BAZ2A: variants seen among roughly 807,000 people sequenced by gnomAD.
BAZ2A encodes bromodomain adjacent to zinc finger domain protein 2A.
Under a neutral mutation model 199.9 loss-of-function variants are expected in BAZ2A, and 34 were observed. That is an observed-to-expected ratio of 0.17 (90% CI 0.13 to 0.23). The LOEUF (loss-of-function observed/expected upper bound fraction) is 0.23. BAZ2A is among the 10% of genes least tolerant of loss of function. The probability of loss-of-function intolerance (pLI) is 1.00; values close to 1 mark genes in which losing one functional copy is unlikely to be tolerated. For synonymous variants in BAZ2A, 857 were observed against 883.9 expected, an observed-to-expected ratio of 0.97 and a Z score of 0.54; for missense variants, 2,002 against 2,391.1, an observed-to-expected ratio of 0.84 and a Z score of 3.39.
At chr12:56,624,436 A>G (rs984406322) in intron 1 of BAZ2A, among the ~76,000 whole-genome samples, 2 of 152,334 alleles carry the variant, frequency 1.3e-5, no homozygotes, top group South Asian at 4.1e-4. Context: ...TCAGTTGGAT[A>G]TAAGTTCCAC....
At chr12:56,600,141 T>TA in intron 24 of BAZ2A, 45 bp from the exon 25 acceptor site, 1 of 1,612,468 alleles carries the variant, frequency 6.2e-7, no homozygotes, top group Non-Finnish European at 8.5e-7. Context: ...GCGGATCCAC[T>TA]AAAGAGGGAA....
At chr12:56,615,680 A>T (rs1053454632) in intron 2 of BAZ2A, 73 bp from the exon 3 acceptor site, 1 of 1,142,956 alleles carries the variant, frequency 8.7e-7, no homozygotes, top group East Asian at 2.6e-5. Context: ...AACTCAAAGT[A>T]ATAGCACTGA....
chr12:56,615,475 A>G lies in BAZ2A; in HGVS notation c.269T>C (p.Leu90Pro), dbSNP rs761899822. 2 of 1,613,216 alleles carry G rather than the reference A, an allele frequency of 1.2e-6. No individual in the cohort carries two copies. Among genetic ancestry groups the G allele is most frequent in the South Asian group, 2.2e-5 (2 of 91,054 alleles). ...AGATGGGTACTGTGAGTAGTTCCAG[A>G]GACAGTCGTAGGCCACGCTGGGGTG... ...LHHPSVAYDC[L>P]WNYSQYPSAN... The change falls in exon 3 of 29, where the codon CTC becomes CCC. Residue 90 changes from leucine (L) to proline (P), a missense_variant. This residue lies in a region of BAZ2A where 641 missense variants were observed against 694.5 expected (regional missense o/e 0.92). Coordinates refer to ENST00000549884, the MANE Select transcript of BAZ2A (RefSeq NM_001300905.2).
rs756764716 is a variant in BAZ2A at position 56,613,137 on chromosome 12, A to C, written c.1013T>G (p.Leu338Arg). ...PLEDSPVISALDCPSLNNATA... is the reference protein window; with the variant it reads ...PLEDSPVISARDCPSLNNATA... Reference sequence around the variant, plus strand: ...AGCATTATTGAGGGAAGGGCAATCAAGGGCAGAAATCACAGGGCTGTCCTC... The same window carrying C: ...AGCATTATTGAGGGAAGGGCAATCACGGGCAGAAATCACAGGGCTGTCCTC... The change falls in exon 5 of 29, where the codon CTT (leucine) becomes CGT (arginine). Residue 338 changes from leucine to arginine, a missense_variant. By Grantham distance (102) the Leu-to-Arg change is moderately radical. Coordinates refer to ENST00000549884, the MANE Select transcript of BAZ2A (RefSeq NM_001300905.2). 5.0e-6 allele frequency: 8 copies of C among 1,613,918 alleles called. No individual in the cohort carries two copies. In the African/African-American group the frequency reaches 9.3e-5, roughly 19 times the overall value.
In BAZ2A at chr12:56,599,174, C is replaced by T. The variant is rs757239924; in HGVS notation, c.5357G>A (p.Arg1786Gln). Residue 1786 changes from arginine to glutamine, a missense_variant, in exon 27 of 29, where the codon CGG (arginine) becomes CAG (glutamine). Around this residue, in one of 6 missense-constraint regions of BAZ2A, gnomAD observed 122 missense variants for 123.0 expected, o/e 0.99. Transcript: ENST00000549884. Reference protein sequence around the residue: ...SEEGLSPSKRRRLSMRNHHSD... With the variant: ...SEEGLSPSKRQRLSMRNHHSD... ...GTGGTGGTTCCGCATAGAGAGTCGC[C>T]GCCGCTTGGAGGGGGAGAGCCCTTC... The T allele has an allele frequency of 2.8e-4, 455 of 1,612,926 alleles. No homozygotes were observed. The highest frequency in any genetic ancestry group is 6.2e-4 in the Admixed American group (37 of 59,916).
Position 56,606,312 on chromosome 12 carries a change from C to T in BAZ2A, c.2194G>A (p.Ala732Thr), listed in dbSNP as rs1304615316. The change falls in exon 12 of 29, where the codon GCC (alanine) becomes ACC (threonine). Residue 732 changes from alanine to threonine, a missense_variant and splice_region_variant. Physicochemically the swap from Ala to Thr is moderately conservative, Grantham distance 58 (BLOSUM62 0). Coordinates refer to ENST00000549884, the MANE Select transcript of BAZ2A (RefSeq NM_001300905.2). ...GECQTTIQGQ[A>T]RNKRKQETKS... ...GTCTCTTGTTTCCGCTTATTTCTGG[C>T]CTGTAAACCATAAGGGAAGTCATTT... is the stretch of plus-strand genomic sequence containing the variant. The T allele has an allele frequency of 6.2e-7, 1 of 1,613,932 alleles. No individual in the cohort carries two copies.
upstream of BAZ2A, among the ~76,000 whole-genome samples, chr12:56,633,455 T>C (rs1363814488): frequency 6.6e-6 from 1 of 152,122 alleles, no homozygotes; most frequent in African/African-American, 2.4e-5. Flanking sequence ...TGAAAGAGCA[T>C]AGCTAGGGGC....
upstream of BAZ2A, among the ~76,000 whole-genome samples, chr12:56,637,558 C>T (rs1161479547): frequency 6.6e-6 from 1 of 152,160 alleles, no homozygotes; most frequent in Non-Finnish European, 1.5e-5. Flanking sequence ...TTTCTGAAGA[C>T]ATGAAGGCCT....
At position 56,615,399 on chromosome 12, in the gene BAZ2A, C is replaced by A. The variant is rs188870377; in HGVS notation, c.345G>T (p.Ser115=). Residue 115 remains serine, a synonymous_variant, in exon 3 of 29, where the codon TCG becomes TCT. Transcript: ENST00000549884. ...LKDPPLLSQF[S]GGQYPLNGIL... is the part of the protein sequence containing the mutation. ...TGCCGTTGAGTGGGTATTGTCCCCCCGAGAACTGGGAGAGAAGGGGTGGGT... is the reference window on the plus strand; with the variant it reads ...TGCCGTTGAGTGGGTATTGTCCCCCAGAGAACTGGGAGAGAAGGGGTGGGT... 62 of 1,613,330 alleles carry A rather than the reference C, an allele frequency of 3.8e-5. No individual in the cohort carries two copies. The East Asian group carries it at 1.4e-3, about 35-fold the overall frequency.
rs930682463 is a variant in BAZ2A, at chr12:56,596,136, T to G, written c.*2482A>C. 1 of 152,712 alleles carries G rather than the reference T, an allele frequency of 6.5e-6. No individual in the cohort carries two copies. The highest frequency in any genetic ancestry group is 2.4e-5 in the African/African-American group (1 of 41,470). 9.5% of individuals were successfully genotyped at this position (152,712 alleles called of 1,614,324 possible). A position where few individuals can be genotyped will look rare whatever the true frequency, so the allele number is the denominator to read the frequency against. Reference sequence around the variant, plus strand: ...AAACTGTACATTATCAAAAAGTCACTAAAACACCACATTTGGTTATATAAA... The same window carrying G: ...AAACTGTACATTATCAAAAAGTCACGAAAACACCACATTTGGTTATATAAA... On this transcript the variant is annotated 3_prime_UTR_variant, in exon 29 of 29. Transcript: ENST00000549884.
In BAZ2A at chr12:56,601,010, C is replaced by T. The variant is rs1886415233; in HGVS notation, c.4383G>A (p.Lys1461=). Residue 1461 remains lysine, a synonymous_variant, in exon 22 of 29, where the codon AAG becomes AAA. Transcript: ENST00000549884. ...GCTTGTTAAGGTGTTTGTGAAGTGCCTTCTCCCGGATACCTCGGGGGTGTA... is the reference window on the plus strand; with the variant it reads ...GCTTGTTAAGGTGTTTGTGAAGTGCTTTCTCCCGGATACCTCGGGGGTGTA... ...KALHPRGIRE[K]ALHKHLNKHR... is the part of the protein sequence containing the mutation. 1.2e-6 allele frequency: 2 copies of T among 1,611,268 alleles called. No individual in the cohort carries two copies. Among genetic ancestry groups the T allele is most frequent in the African/African-American group, 1.3e-5 (1 of 74,826 alleles).
intron 26 of BAZ2A, 85 bp downstream of exon 26, chr12:56,599,617 C>A: frequency 6.3e-7 from 1 of 1,590,188 alleles, no homozygotes; most frequent in Non-Finnish European, 8.6e-7. Flanking sequence ...AATACCCAGT[C>A]TAGGACTCTT....
rs747567691 is a variant in BAZ2A, at chr12:56,615,394, C to T, written c.350G>A (p.Gly117Glu). 4 of 1,612,836 alleles carry T rather than the reference C, an allele frequency of 2.5e-6. No homozygotes were observed. Among genetic ancestry groups the T allele is most frequent in the African/African-American group, 1.3e-5 (1 of 74,716 alleles). Reference sequence around the variant, plus strand: ...AAGGATGCCGTTGAGTGGGTATTGTCCCCCCGAGAACTGGGAGAGAAGGGG... The same window carrying T: ...AAGGATGCCGTTGAGTGGGTATTGTTCCCCCGAGAACTGGGAGAGAAGGGG... ...DPPLLSQFSG[G>E]QYPLNGILGG... The change falls in exon 3 of 29, where the codon GGA becomes GAA. Residue 117 changes from glycine (G) to glutamate (E), a missense_variant. Physicochemically the swap from Gly to Glu is moderately conservative, Grantham distance 98. Around this residue, in one of 6 missense-constraint regions of BAZ2A, gnomAD observed 641 missense variants for 694.5 expected, o/e 0.92. Transcript: ENST00000549884.
chr12:56,610,645 C>A lies in BAZ2A; in HGVS notation c.1671-128G>T, dbSNP rs2136987321. 5.2e-6 allele frequency: 4 copies of A among 762,212 alleles called. No homozygotes were observed. The East Asian group carries it at 8.1e-5, about 15-fold the overall frequency. 47.2% of individuals were successfully genotyped at this position (762,212 alleles called of 1,614,324 possible). On this transcript the variant is annotated intron_variant, in intron 7 of 28. Transcript: ENST00000549884. ...GTATCTCTAGAACTGCATGCAGATG[C>A]AAAAGCACCAAGAGAGATAAGCTTG...
chr12:56,601,385 A>C lies in BAZ2A; in HGVS notation c.4089T>G (p.Ala1363=), dbSNP rs1197267806. 1 of 1,613,700 alleles carries C rather than the reference A, an allele frequency of 6.2e-7. No homozygotes were observed. Among genetic ancestry groups the C allele is most frequent in the South Asian group, 1.1e-5 (1 of 91,064 alleles). The change falls in exon 21 of 29, where the codon GCT becomes GCG. Residue 1363 remains alanine (A), a synonymous_variant. Transcript: ENST00000549884. The part of the protein sequence containing the change: ...ASSKPMNRPS[A]ANPCSPVQFS... ...ACTGCACTGGAGAACAAGGGTTGGCAGCACTAGGTCTATTCATCTGTGAAT... is the reference window on the plus strand; with the variant it reads ...ACTGCACTGGAGAACAAGGGTTGGCCGCACTAGGTCTATTCATCTGTGAAT...
chr12:56,603,225 G>T, intron 18 of BAZ2A, 134 bp downstream of exon 18: 1 of 1,003,542 alleles, frequency 1.0e-6, no homozygotes, highest in Non-Finnish European at 1.5e-6. Flanking sequence ...CCATGATCGT[G>T]CCACTGCACT....
chr12:56,632,022 G>A (rs532271718), upstream of BAZ2A, among the ~76,000 whole-genome samples: 1 of 152,168 alleles, frequency 6.6e-6, no homozygotes, highest in East Asian at 1.9e-4. Context: ...CCTCTCTCGA[G>A]ATAAGTAGAT....
At chr12:56,627,887 G>C (rs915909785) in intron 1 of BAZ2A, among the ~76,000 whole-genome samples, 90 of 149,618 alleles carry the variant, frequency 6.0e-4, no homozygotes, top group Middle Eastern at 3.6e-3. Flanking sequence ...AGAAAAAAAA[G>C]AAAAGAAGAG....
chr12:56,609,442 G>A lies in BAZ2A; in HGVS notation c.2092+294C>T, dbSNP rs546116767. Among the ~76,000 whole-genome samples, 28 of 152,292 alleles carry A rather than the reference G, an allele frequency of 1.8e-4. No individual in the cohort carries two copies. The South Asian group carries it at 5.6e-3, about 30-fold the overall frequency. ...GTACAACTGAACCAGTATATGATAA[G>A]GAGCTAAAAGATGGAAAGAAAGGGC... On this transcript the variant is annotated intron_variant, in intron 10 of 28. Transcript: ENST00000549884.
Sources: allele counts gnomAD v4.1 joint callset (sites outside exome capture counted in the v4.1 genomes callset), GRCh38; gene constraint gnomAD v4.1.1; regional missense constraint gnomAD v4.1.1; transcripts MANE v1.5; gene names NCBI Gene and HGNC (gene_info 2026-07-23, HGNC 2026-07-21).